XIST: variants seen among roughly 807,000 people sequenced by gnomAD.
XIST encodes the protein X inactive specific transcript (non-protein coding).
At chrX:73,851,183 G>C (rs748503920) in exon 1 of XIST, 1 of 559,536 alleles carries the variant, frequency 1.8e-6, no homozygotes, top group Non-Finnish European at 3.2e-6. Context: ...CTCCCGCTCT[G>C]CGTGGCACTA....
exon 1 of XIST, chrX:73,849,020 A>C (rs748006224): frequency 1.4e-5 from 8 of 557,444 alleles, no homozygotes; most frequent in African/African-American, 8.9e-5. Context: ...TGTTATGCAA[A>C]GATGTTTGCA....
At chrX:73,824,561 T>C (rs1162455197) in exon 6 of XIST, 3 of 553,836 alleles carry the variant, frequency 5.4e-6, no homozygotes, top group East Asian at 3.3e-5. Flanking sequence ...TTTGTATAAC[T>C]ACTTATAGAA....
At chrX:73,847,907 T>C (rs1196544879) in exon 1 of XIST, 3 of 557,264 alleles carry the variant, frequency 5.4e-6, no homozygotes, top group Non-Finnish European at 6.5e-6. Context: ...TCCCTTGCTG[T>C]AAAACAAGGA....
rs1429296928 is a variant in XIST at position 73,822,003 on chromosome X, A to G, written n.17898T>C. 5.4e-6 allele frequency: 3 copies of G among 558,731 alleles called. No homozygotes were observed. The South Asian group carries it at 6.7e-5, about 12-fold the overall frequency. 46.0% of individuals were successfully genotyped at this position (558,731 alleles called of 1,213,427 possible). Reference sequence around the variant, plus strand: ...GCGTTATCTGAGGATTGTTTCTGAAAGAGATCTATTTAGGCAGTGTATGTA... The same window carrying G: ...GCGTTATCTGAGGATTGTTTCTGAAGGAGATCTATTTAGGCAGTGTATGTA... On this transcript the variant is annotated non_coding_transcript_exon_variant, in exon 6 of 6. Transcript: ENST00000429829.
chrX:73,827,990 G>A (rs1922302605), intron 5 of XIST: 1 of 497,707 alleles, frequency 2.0e-6, no homozygotes, highest in East Asian at 3.6e-5. Flanking sequence ...ACACACTTGA[G>A]TGCAAGAGAT....
exon 1 of XIST, chrX:73,851,061 G>T: frequency 5.4e-6 from 3 of 559,396 alleles, no homozygotes; most frequent in Non-Finnish European, 9.7e-6. Context: ...TAGCTGGACA[G>T]TGTGTCATCA....
rs747601658 is a variant in XIST, at chrX:73,827,420, G to A, written n.12481C>T. On this transcript the variant is annotated non_coding_transcript_exon_variant, in exon 6 of 6. Transcript: ENST00000429829. ...AAGGTGAGTAGAAAGGGAAGAAGCAGAGAACAAATACAAGCCAACAGAGAT... is the reference window on the plus strand; with the variant it reads ...AAGGTGAGTAGAAAGGGAAGAAGCAAAGAACAAATACAAGCCAACAGAGAT... 19 of 550,065 alleles carry A rather than the reference G, an allele frequency of 3.5e-5. 1 individual carries two copies. The South Asian group carries it at 4.3e-4, about 13-fold the overall frequency. 45.3% of individuals were successfully genotyped at this position (550,065 alleles called of 1,213,427 possible). A position where few individuals can be genotyped will look rare whatever the true frequency, so the allele number is the denominator to read the frequency against.
chrX:73,826,804 G>A (rs1248430551), exon 6 of XIST: 1 of 558,476 alleles, frequency 1.8e-6, no homozygotes, highest in South Asian at 2.2e-5. Context: ...TCCTTGGGTT[G>A]TAGGTCTTCC....
chrX:73,843,206 G>C (rs1922642406), exon 1 of XIST: 1 of 556,543 alleles, frequency 1.8e-6, no homozygotes, highest in African/African-American at 2.2e-5. Flanking sequence ...GTAATGCAAA[G>C]GGGATACTAG....
exon 6 of XIST, chrX:73,822,519 GA>G (rs760347061): frequency 7.4e-5 from 38 of 510,392 alleles, no homozygotes; most frequent in African/African-American, 1.6e-4. Context: ...ATGAATACAT[GA>G]AAAAAAATAA....
At chrX:73,842,519 T>G in exon 1 of XIST, 3 of 558,222 alleles carry the variant, frequency 5.4e-6, no homozygotes, top group South Asian at 4.5e-5. Context: ...GAGTGAAGGC[T>G]TATCCACCTA....
exon 1 of XIST, chrX:73,850,880 G>A (rs1483190231): frequency 3.7e-6 from 2 of 545,752 alleles, no homozygotes; most frequent in South Asian, 4.6e-5. Flanking sequence ...GACAGGAGGG[G>A]ACAAATAAGA....
exon 1 of XIST, chrX:73,852,401 G>A: frequency 1.8e-6 from 1 of 547,337 alleles, no homozygotes; most frequent in South Asian, 2.4e-5. Flanking sequence ...AGAAAAGAGA[G>A]TGGAAGAGTA....
exon 6 of XIST, chrX:73,827,035 T>C (rs1922272065): frequency 1.8e-6 from 1 of 558,976 alleles, no homozygotes; most frequent in Non-Finnish European, 3.2e-6. Flanking sequence ...TCTTGGAACA[T>C]GGGCTTTCCA....
At chrX:73,847,729 T>C in exon 1 of XIST, 2 of 555,829 alleles carry the variant, frequency 3.6e-6, no homozygotes, top group Admixed American at 2.2e-5. Flanking sequence ...TTAAGAGTCA[T>C]GGATAATTAG....
chrX:73,847,238 G>A (rs768306477), exon 1 of XIST: 1 of 557,523 alleles, frequency 1.8e-6, no homozygotes, highest in Admixed American at 2.2e-5. Context: ...CTGCAGTAAT[G>A]CAAATGGAGC....
chrX:73,844,485 G>A (rs768914732), exon 1 of XIST: 56 of 556,444 alleles, frequency 1.0e-4, no homozygotes, highest in Non-Finnish European at 1.6e-4. Flanking sequence ...TCTGAGAGTA[G>A]GACTTTATTC....
exon 1 of XIST, chrX:73,842,682 C>T (rs1441733217): frequency 9.0e-6 from 5 of 557,277 alleles, no homozygotes; most frequent in Admixed American, 4.4e-5. Flanking sequence ...AGAAGCAATG[C>T]GAAAGGAAGT....
chrX:73,824,816 C>A, exon 6 of XIST: 1 of 558,586 alleles, frequency 1.8e-6, no homozygotes, highest in South Asian at 2.2e-5. Flanking sequence ...TTTAACTTAA[C>A]CTCACCAGTA....
Sources: allele counts gnomAD v4.1 joint callset, GRCh38; gene constraint gnomAD v4.1.1; transcripts MANE v1.5; gene names NCBI Gene and HGNC (gene_info 2026-07-23, HGNC 2026-07-21).